The following ESYT3 variants were observed in gnomAD, a reference collection of about 807,000 sequenced individuals.
The protein encoded by ESYT3 is extended synaptotagmin 3.
Under a neutral mutation model 111.5 loss-of-function variants are expected in ESYT3, and 101 were observed. That is an observed-to-expected ratio of 0.91 (90% CI 0.77 to 1.07). The LOEUF is 1.07. ESYT3 is among the 50% of genes least tolerant of loss of function. ESYT3 has a pLI of 0.00. For synonymous variants in ESYT3, 416 were observed against 446.8 expected (o/e 0.93, Z 0.87); for missense variants, 1,097 against 1,109.4 (o/e 0.99, Z 0.16).
At chr3:138,447,589 CAT>C (rs1156723234) in intron 1 of ESYT3, among the ~76,000 whole-genome samples, 5 of 152,040 alleles carry the variant, frequency 3.3e-5, no homozygotes, top group Non-Finnish European at 7.4e-5. Flanking sequence ...ACTCTAAAAA[CAT>C]AAAAGAGCCA....
intron 1 of ESYT3, among the ~76,000 whole-genome samples, chr3:138,451,498 A>G (rs1252534654): frequency 6.6e-6 from 1 of 152,170 alleles, no homozygotes; most frequent in African/African-American, 2.4e-5. Flanking sequence ...TGTTTGTGTC[A>G]TTGAAACGAA....
rs529797139 is a variant in ESYT3, at chr3:138,440,114, T to G, written c.327+4989T>G. On this transcript the variant is annotated intron_variant, in intron 1 of 22. Transcript: ENST00000389567. This position sits in a 1 kb window ranked among gnomAD's most constrained non-coding sequence, Gnocchi z 4.2. ...CATTAACCAGTCCCGAGCCTGCTTTTCTCTGGTGACACATACCCCACAGGA... is the reference window on the plus strand; with the variant it reads ...CATTAACCAGTCCCGAGCCTGCTTTGCTCTGGTGACACATACCCCACAGGA... Among the ~76,000 whole-genome samples the G allele has an allele frequency of 4.5e-4, 68 of 152,326 alleles. No homozygotes were observed. Among genetic ancestry groups the G allele is most frequent in the African/African-American group, 1.5e-3 (64 of 41,584 alleles).
At chr3:138,470,622 G>A (rs2033169642) in intron 16 of ESYT3, 11 of 1,253,210 alleles carry the variant, frequency 8.8e-6, no homozygotes, top group Non-Finnish European at 1.0e-5. Context: ...AGTCCCCAAA[G>A]CCCCCTGGCT....
intron 1 of ESYT3, among the ~76,000 whole-genome samples, chr3:138,436,664 T>C (rs1447919217): frequency 6.6e-6 from 1 of 152,174 alleles, no homozygotes; most frequent in East Asian, 1.9e-4. Context: ...ACTTTGGTCA[T>C]CCTGATGGTT....
At chr3:138,454,238 C>T (rs554379882) in intron 2 of ESYT3, among the ~76,000 whole-genome samples, 1 of 146,764 alleles carries the variant, frequency 6.8e-6, no homozygotes, top group East Asian at 2.1e-4. Context: ...CAGAGTGAGA[C>T]CTTGTCTTAA....
intron 14 of ESYT3, 79 bp from the exon 15 acceptor site, chr3:138,469,357 C>T (rs2033100834): frequency 7.9e-7 from 1 of 1,273,368 alleles, no homozygotes; most frequent in Non-Finnish European, 1.1e-6. Context: ...CCCAGATGCT[C>T]CTGGGGGTTG....
chr3:138,443,511 C>T (rs886926512), intron 1 of ESYT3, among the ~76,000 whole-genome samples: 6 of 152,166 alleles, frequency 3.9e-5, no homozygotes, highest in African/African-American at 9.7e-5. Context: ...CAATGGCCTC[C>T]TTTTGTAGGA....
intron 1 of ESYT3, among the ~76,000 whole-genome samples, chr3:138,443,601 C>T (rs552998115): frequency 6.6e-6 from 1 of 152,212 alleles, no homozygotes; most frequent in East Asian, 1.9e-4. Context: ...TAAGAATGTC[C>T]TTTGGAGTAG....
chr3:138,435,136 C>G lies in ESYT3; in HGVS notation c.327+11C>G, dbSNP rs774430385. 6.4e-7 allele frequency: 1 copy of G among 1,564,262 alleles called. No individual in the cohort carries two copies. Among genetic ancestry groups the G allele is most frequent in the Admixed American group, 1.8e-5 (1 of 54,804 alleles). The stretch of plus-strand genomic sequence containing the variant: ...CACCTGCCAGCCTGGGTGAGCCAAG[C>G]CGGGTGGGAGTGGGAGGTGGGGAGA... On this transcript the variant is annotated intron_variant, in intron 1 of 22. Transcript: ENST00000389567. The surrounding 1 kb of genome is among the most constrained non-coding windows in gnomAD (Gnocchi z 4.8).
downstream of ESYT3, chr3:138,481,134 TATAGG>T (rs1379456509): frequency 2.0e-4 from 31 of 152,136 alleles, no homozygotes; most frequent in African/African-American, 6.5e-4. Flanking sequence ...TGTAAGATAA[TATAGG>T]AGAATAATTT....
Position 138,459,241 on chromosome 3 carries a change from G to T in ESYT3, c.636G>T (p.Val212=). ...SVELQKIQAG[V]NGIQLQGTLR... is the part of the protein sequence containing the mutation. ...AGCTGCAGAAGATTCAGGCTGGTGT[G>T]AACGGGATCCAGGTGGGTGGAGCCC... The change falls in exon 5 of 23, where the codon GTG becomes GTT. Residue 212 remains valine, a synonymous_variant. Coordinates refer to ENST00000389567, the MANE Select transcript of ESYT3 (RefSeq NM_031913.5). 6.4e-7 allele frequency: 1 copy of T among 1,562,416 alleles called. No individual in the cohort carries two copies.
At chr3:138,453,202 C>T (rs890337978) in intron 2 of ESYT3, among the ~76,000 whole-genome samples, 6 of 152,178 alleles carry the variant, frequency 3.9e-5, no homozygotes, top group Admixed American at 6.5e-5. Flanking sequence ...TAGAGTTCCT[C>T]CTGCACTGTG....
In ESYT3 at chr3:138,448,881, A is replaced by C. The variant is rs2031737825; in HGVS notation, c.328-3167A>C. Among the ~76,000 whole-genome samples the C allele has an allele frequency of 3.3e-5, 5 of 152,130 alleles. No individual in the cohort carries two copies. In the South Asian group the frequency reaches 1.0e-3, roughly 32 times the overall value. On this transcript the variant is annotated intron_variant, in intron 1 of 22. Transcript: ENST00000389567. ...AGATTCAGGCTAAGGGAGGGGCTTC[A>C]GGTCCCTAGGCAGGGTAGGAGAATT...
intron 18 of ESYT3, chr3:138,473,091 T>C: frequency 1.4e-6 from 2 of 1,403,798 alleles, no homozygotes; most frequent in Non-Finnish European, 1.8e-6. Context: ...TGGACTCTGG[T>C]TGGTAAGGTC....
In ESYT3 at chr3:138,440,584, G is replaced by A. The variant is rs998775300; in HGVS notation, c.327+5459G>A. On this transcript the variant is annotated intron_variant, in intron 1 of 22. Coordinates refer to ENST00000389567, the MANE Select transcript of ESYT3 (RefSeq NM_031913.5). This position sits in a 1 kb window ranked among gnomAD's most constrained non-coding sequence, Gnocchi z 4.2. Reference sequence around the variant, plus strand: ...GTTGGGTGCTGCTTGGAATTAGGGAGACTTCTTACCCTTGAGGTCCCTGCA... The same window carrying A: ...GTTGGGTGCTGCTTGGAATTAGGGAAACTTCTTACCCTTGAGGTCCCTGCA... 2.0e-5 allele frequency among the ~76,000 whole-genome samples: 3 copies of A among 152,222 alleles called. No homozygotes were observed. The highest frequency in any genetic ancestry group is 2.0e-4 in the Admixed American group (3 of 15,292).
rs2108627518 is a variant in ESYT3, at chr3:138,470,958, CTT to C, written c.1673_1674del (p.Leu558ArgfsTer39). 1 of 1,614,184 alleles carries C rather than the reference CTT, an allele frequency of 6.2e-7. No individual in the cohort carries two copies. Among genetic ancestry groups the C allele is most frequent in the East Asian group, 2.2e-5 (1 of 44,874 alleles). ...CQILPYADLTLEQRFQLDHSG... is the reference protein window; with the variant it reads ...CQILPYADLTXEQRFQLDHSG... ...GATCCTCCCCTATGCTGACCTCACTCTTGAGCAGCGCTTTCAGCTGGACCACT... is the reference window on the plus strand; with the variant it reads ...GATCCTCCCCTATGCTGACCTCACTCGAGCAGCGCTTTCAGCTGGACCACT... On this transcript the variant is annotated frameshift_variant, in exon 17 of 23. Transcript: ENST00000389567. LOFTEE classifies it high-confidence loss of function.
chr3:138,471,050 G>C (rs749235995), intron 17 of ESYT3, 24 bp downstream of exon 17: 1 of 1,598,004 alleles, frequency 6.3e-7, no homozygotes, highest in Non-Finnish European at 8.6e-7. Flanking sequence ...GTCCCCTGGG[G>C]GAGGGGAGGA....
At chr3:138,457,413 C>T (rs966426983) in intron 3 of ESYT3, among the ~76,000 whole-genome samples, 155 bp from the exon 4 acceptor site, 8 of 152,178 alleles carry the variant, frequency 5.3e-5, no homozygotes, top group African/African-American at 1.7e-4. Flanking sequence ...GGAGGGAAGT[C>T]TCTGGGCTGC....
chr3:138,474,566 G>A lies in ESYT3; in HGVS notation c.2468+214G>A, dbSNP rs577601051. On this transcript the variant is annotated intron_variant, in intron 20 of 22. Transcript: ENST00000389567. ...TGGCCACCTACATTTACTGCTCATA[G>A]AGGCTAAAGTGTTCCTGAATATGGA... 6 of 440,334 alleles carry A rather than the reference G, an allele frequency of 1.4e-5. No individual in the cohort carries two copies. In the South Asian group the frequency reaches 2.8e-4, roughly 20 times the overall value. The allele number at this position is 440,334 out of a possible 1,614,324, so 27.3% of individuals were successfully genotyped here.
Sources: allele counts gnomAD v4.1 joint callset (sites outside exome capture counted in the v4.1 genomes callset), GRCh38; gene constraint gnomAD v4.1.1; non-coding constraint Gnocchi (gnomAD v3.1); transcripts MANE v1.5; gene names NCBI Gene and HGNC (gene_info 2026-07-23, HGNC 2026-07-21).